Variants in NEK7 observed in about 807,000 individuals in gnomAD.
The protein encoded by NEK7 is serine/threonine-protein kinase Nek7.
NEK7 carries 18 observed loss-of-function variants against 44.6 expected under a neutral mutation model. The ratio of observed to expected loss-of-function variants is 0.40; its 90% CI spans 0.28 to 0.60. The LOEUF is 0.60. Among genes scored for constraint, NEK7 ranks in the 20% least tolerant of loss-of-function variants. The pLI is 0.38. For synonymous variants in NEK7, 130 were observed against 121.1 expected, an observed-to-expected ratio of 1.07 and a Z score of -0.48; for missense variants, 256 against 366.5, an observed-to-expected ratio of 0.70 and a Z score of 2.46.
chr1:198,233,344 T>G (rs961024302), intron 2 of NEK7, among the ~76,000 whole-genome samples: 1 of 152,206 alleles, frequency 6.6e-6, no homozygotes, highest in Non-Finnish European at 1.5e-5. Context: ...GCATCCTGCA[T>G]TCAGTATGAA....
At chr1:198,162,755 T>C (rs1485661305) in intron 1 of NEK7, among the ~76,000 whole-genome samples, 1 of 152,026 alleles carries the variant, frequency 6.6e-6, no homozygotes, top group African/African-American at 2.4e-5. Context: ...CCCTGTGATT[T>C]CCATATTCAA....
intron 9 of NEK7, among the ~76,000 whole-genome samples, chr1:198,314,317 T>C (rs993243533): frequency 2.0e-5 from 3 of 152,186 alleles, no homozygotes; most frequent in African/African-American, 7.2e-5. Flanking sequence ...TAATGGTTAT[T>C]CTAGTTATAC....
At chr1:198,254,663 G>T (rs1175205799) in intron 3 of NEK7, among the ~76,000 whole-genome samples, 3 of 152,102 alleles carry the variant, frequency 2.0e-5, no homozygotes, top group Admixed American at 6.6e-5. Flanking sequence ...ACACATACAA[G>T]AATTTCTCTC....
chr1:198,277,001 T>C (rs568532039), intron 5 of NEK7, among the ~76,000 whole-genome samples: 1 of 151,852 alleles, frequency 6.6e-6, no homozygotes, highest in Admixed American at 6.6e-5. Context: ...TAAATTGCAT[T>C]AAAGTACATA....
chr1:198,215,806 TAAAA>T (rs74334929), intron 1 of NEK7, among the ~76,000 whole-genome samples: 9 of 150,270 alleles, frequency 6.0e-5, no homozygotes, highest in Non-Finnish European at 1.3e-4. Context: ...AGTAAAAAAA[TAAAA>T]AAAAACATCA....
At chr1:198,198,678 T>G (rs1665317975) in intron 1 of NEK7, among the ~76,000 whole-genome samples, 1 of 152,226 alleles carries the variant, frequency 6.6e-6, no homozygotes, top group Admixed American at 6.5e-5. Flanking sequence ...GATTCTCAGC[T>G]CTTTCTGCTT....
intron 9 of NEK7, among the ~76,000 whole-genome samples, chr1:198,311,862 G>A (rs927999707): frequency 2.0e-5 from 3 of 152,080 alleles, no homozygotes; most frequent in African/African-American, 7.2e-5. Context: ...GAGGATTTTT[G>A]CATCAATGTT....
chr1:198,280,544 T>A (rs1654162463), intron 7 of NEK7, among the ~76,000 whole-genome samples: 1 of 152,018 alleles, frequency 6.6e-6, no homozygotes, highest in Non-Finnish European at 1.5e-5. Flanking sequence ...TACCTGATAC[T>A]GCCTCTTGTA....
At chr1:198,297,711 A>G (rs895142992) in intron 9 of NEK7, among the ~76,000 whole-genome samples, 10 of 152,164 alleles carry the variant, frequency 6.6e-5, no homozygotes, top group Non-Finnish European at 1.2e-4. Context: ...TCTTAACTAC[A>G]TATCTCTGAG....
intron 1 of NEK7, among the ~76,000 whole-genome samples, chr1:198,160,246 A>G (rs1204783435): frequency 6.6e-6 from 1 of 151,834 alleles, no homozygotes. Context: ...AGTGTTAGTG[A>G]TTACGCACTT....
chr1:198,237,458 G>A (rs1177109559), intron 2 of NEK7, among the ~76,000 whole-genome samples: 1 of 152,012 alleles, frequency 6.6e-6, no homozygotes, highest in Non-Finnish European at 1.5e-5. Context: ...CCTTCTCAGT[G>A]GCAAGTCTAT....
chr1:198,264,158 G>T lies in NEK7; in HGVS notation c.295G>T (p.Ala99Ser), dbSNP rs751598241. 1 of 1,602,356 alleles carries T rather than the reference G, an allele frequency of 6.2e-7. No individual in the cohort carries two copies. The highest frequency in any genetic ancestry group is 8.5e-7 in the Non-Finnish European group (1 of 1,175,070). The change falls in exon 5 of 10, where the codon GCA (alanine) becomes TCA (serine). Residue 99 changes from alanine to serine, a missense_variant. Ala to Ser is a moderately conservative substitution (Grantham distance 99). Coordinates refer to ENST00000367385, the MANE Select transcript of NEK7 (RefSeq NM_133494.3). ...CCATCCAAATGTAATAAAATATTATGCATCATTCATTGAAGATAATGAACT... is the reference window on the plus strand; with the variant it reads ...CCATCCAAATGTAATAAAATATTATTCATCATTCATTGAAGATAATGAACT... ...LNHPNVIKYY[A>S]SFIEDNELNI...
At chr1:198,240,227 G>C (rs536004514) in intron 2 of NEK7, among the ~76,000 whole-genome samples, 1 of 152,318 alleles carries the variant, frequency 6.6e-6, no homozygotes, top group South Asian at 2.1e-4. Context: ...AAGTGCGTTT[G>C]AGTTGTCTTT....
At chr1:198,200,281 T>C (rs1164486984) in intron 1 of NEK7, among the ~76,000 whole-genome samples, 1 of 152,234 alleles carries the variant, frequency 6.6e-6, no homozygotes, top group Non-Finnish European at 1.5e-5. Flanking sequence ...CTGGTTCATA[T>C]ATGGGCCTAT....
chr1:198,304,051 A>G (rs144314358), intron 9 of NEK7, among the ~76,000 whole-genome samples: 163 of 152,188 alleles, frequency 1.1e-3, no homozygotes, highest in African/African-American at 3.9e-3. Context: ...TTAAGCTTTG[A>G]ATGTTCTATT....
chr1:198,212,406 C>T (rs990066066), intron 1 of NEK7, among the ~76,000 whole-genome samples: 2 of 152,204 alleles, frequency 1.3e-5, no homozygotes, highest in Non-Finnish European at 2.9e-5. Context: ...GGGTGTGAGA[C>T]CTGCCTTGCC....
At chr1:198,309,445 C>CT (rs954521651) in intron 9 of NEK7, among the ~76,000 whole-genome samples, 3 of 151,684 alleles carry the variant, frequency 2.0e-5, no homozygotes. Context: ...CTTTTCTTTT[C>CT]TTTTTTTTAT....
At chr1:198,311,970 A>T (rs1161862760) in intron 9 of NEK7, among the ~76,000 whole-genome samples, 2 of 151,818 alleles carry the variant, frequency 1.3e-5, no homozygotes, top group Admixed American at 6.6e-5. Flanking sequence ...GTTAGGGAGG[A>T]TTCTCTCTTT....
In NEK7 at chr1:198,202,041, A is replaced by G. The variant is rs189332735; in HGVS notation, c.-28-30512A>G. 1.2e-4 allele frequency among the ~76,000 whole-genome samples: 18 copies of G among 152,346 alleles called. No homozygotes were observed. The East Asian group carries it at 2.3e-3, about 20-fold the overall frequency. On this transcript the variant is annotated intron_variant, in intron 1 of 9. Transcript: ENST00000367385. Reference sequence around the variant, plus strand: ...ATCTTAGGACAGTTTATTACAATCAATTCATCTCAGGGCATCTAGTCTGCT... The same window carrying G: ...ATCTTAGGACAGTTTATTACAATCAGTTCATCTCAGGGCATCTAGTCTGCT...
Sources: gnomAD v4.1 joint callset for allele counts (sites outside exome capture counted in the v4.1 genomes callset) on GRCh38, gnomAD v4.1.1 for gene constraint, MANE v1.5 for transcripts, NCBI Gene and HGNC (gene_info 2026-07-23, HGNC 2026-07-21) for gene names.